Variants in ROBO2 observed in about 807,000 individuals in gnomAD.
ROBO2 encodes roundabout guidance receptor 2.
In ROBO2, 53 loss-of-function variants were observed where a neutral mutation model predicts 160.8. That is an observed-to-expected ratio of 0.33 (90% CI 0.26 to 0.41). The LOEUF (loss-of-function observed/expected upper bound fraction) is 0.41, where lower values mean the gene tolerates loss of function less well. Ranked by LOEUF, ROBO2 falls within the 10% of genes least tolerant of loss-of-function variation. The pLI is 1.00. For missense variants in ROBO2, 1,577 were observed against 1,722.4 expected (o/e 0.92, Z 1.49); for synonymous variants, 664 against 611.7 (o/e 1.09, Z -1.26).
At chr3:76,180,084 T>C (rs192106867) in intron 2 of ROBO2, among the ~76,000 whole-genome samples, 62 of 152,210 alleles carry the variant, frequency 4.1e-4, no homozygotes, top group Non-Finnish European at 3.1e-4. Flanking sequence ...CCAAAATAAA[T>C]TTCTATCCTT....
intron 1 of ROBO2, among the ~76,000 whole-genome samples, chr3:77,069,429 C>T (rs369671773): frequency 7.9e-5 from 12 of 151,742 alleles, no homozygotes; most frequent in African/African-American, 2.4e-4. Flanking sequence ...CACAAAGGAA[C>T]GAAATTGGAG....
At chr3:75,953,720 G>A (rs1338470785) in intron 2 of ROBO2, among the ~76,000 whole-genome samples, 4 of 151,750 alleles carry the variant, frequency 2.6e-5, no homozygotes, top group African/African-American at 7.3e-5. Flanking sequence ...ACAAACAATA[G>A]CAACAACAAT....
chr3:76,003,183 A>G (rs1183733934), intron 2 of ROBO2, among the ~76,000 whole-genome samples: 1 of 152,088 alleles, frequency 6.6e-6, no homozygotes, highest in Non-Finnish European at 1.5e-5. Flanking sequence ...CTCATGATGC[A>G]CACTTGACCC....
intron 2 of ROBO2, among the ~76,000 whole-genome samples, chr3:76,977,416 G>C (rs2059866544): frequency 6.6e-6 from 1 of 152,110 alleles, no homozygotes; most frequent in Non-Finnish European, 1.5e-5. Context: ...TAAATTTTGG[G>C]CAAGTAGGTT....
intron 2 of ROBO2, among the ~76,000 whole-genome samples, chr3:76,368,875 A>T (rs2075964787): frequency 6.6e-6 from 1 of 151,936 alleles, no homozygotes; most frequent in Non-Finnish European, 1.5e-5. Flanking sequence ...ATGAGAAAAC[A>T]TCCTCTCTCT....
chr3:77,618,481 G>A lies in ROBO2; in HGVS notation c.3554+708G>A, dbSNP rs534899900. On this transcript the variant is annotated intron_variant, in intron 22 of 25. Coordinates refer to ENST00000461745, the Ensembl canonical transcript of ROBO2. The stretch of plus-strand genomic sequence containing the variant: ...GCTAACAGTTTTATACAGGATTTTT[G>A]TTATTCAATCTTTCTATTTTAATTT... Among the ~76,000 whole-genome samples, 22 of 152,098 alleles carry A rather than the reference G, an allele frequency of 1.4e-4. No individual in the cohort carries two copies. In the South Asian group the frequency reaches 4.6e-3, roughly 32 times the overall value.
chr3:77,525,605 C>T lies in ROBO2; in HGVS notation c.934+2703C>T, dbSNP rs145971490. Among the ~76,000 whole-genome samples the T allele has an allele frequency of 8.6e-5, 13 of 151,046 alleles. No homozygotes were observed. In the East Asian group the frequency reaches 2.3e-3, roughly 27 times the overall value. Reference sequence around the variant, plus strand: ...GGCTTAAAAATGACAACACAAACTGCGTATTTGTAAGCACATTTTACCCAT... The same window carrying T: ...GGCTTAAAAATGACAACACAAACTGTGTATTTGTAAGCACATTTTACCCAT... On this transcript the variant is annotated intron_variant, in intron 6 of 25. Coordinates refer to ENST00000461745, the Ensembl canonical transcript of ROBO2.
intron 2 of ROBO2, among the ~76,000 whole-genome samples, chr3:76,798,190 AAAAG>A (rs1431745409): frequency 6.7e-6 from 1 of 149,602 alleles, no homozygotes; most frequent in Non-Finnish European, 1.5e-5. Context: ...GAAAGAAAGA[AAAAG>A]AAGAAAGAAA....
At chr3:76,065,721 T>TGC (rs2068228410) in intron 2 of ROBO2, among the ~76,000 whole-genome samples, 1 of 66,446 alleles carries the variant, frequency 1.5e-5, no homozygotes, top group Non-Finnish European at 2.7e-5. Flanking sequence ...ACTAAATATA[T>TGC]GCATATTTAA....
intron 2 of ROBO2, among the ~76,000 whole-genome samples, chr3:77,220,284 A>G (rs1161006994): frequency 6.6e-6 from 1 of 152,182 alleles, no homozygotes; most frequent in African/African-American, 2.4e-5. Context: ...TGCTGAGATT[A>G]CAGGCATGAG....
At chr3:75,938,053 T>G (rs1576217142) in intron 2 of ROBO2, among the ~76,000 whole-genome samples, 1 of 151,966 alleles carries the variant, frequency 6.6e-6, no homozygotes, top group East Asian at 1.9e-4. Flanking sequence ...ATTTTAAAAT[T>G]TCAAGAACCT....
At chr3:76,204,682 A>T (rs1052655200) in intron 2 of ROBO2, among the ~76,000 whole-genome samples, 4 of 152,182 alleles carry the variant, frequency 2.6e-5, no homozygotes, top group African/African-American at 9.6e-5. Context: ...ATTAGTGGGT[A>T]AAGTGTTATC....
At chr3:76,128,622 AGT>A (rs71101881) in intron 2 of ROBO2, among the ~76,000 whole-genome samples, 5 of 150,008 alleles carry the variant, frequency 3.3e-5, no homozygotes, top group Admixed American at 2.0e-4. Flanking sequence ...ATATGATATG[AGT>A]GTGTGTGTGT....
intron 2 of ROBO2, among the ~76,000 whole-genome samples, chr3:77,029,049 G>C (rs1221830195): frequency 6.6e-6 from 1 of 152,110 alleles, no homozygotes; most frequent in East Asian, 1.9e-4. Flanking sequence ...TATAAATATT[G>C]CTAGTGATAC....
intron 2 of ROBO2, among the ~76,000 whole-genome samples, chr3:77,195,684 C>T (rs546339691): frequency 7.1e-4 from 108 of 152,246 alleles, no homozygotes; most frequent in Non-Finnish European, 1.3e-3. Flanking sequence ...TTTTAGACTT[C>T]CAGATATAGC....
chr3:77,105,489 C>G (rs2072671291), intron 2 of ROBO2, among the ~76,000 whole-genome samples: 1 of 152,128 alleles, frequency 6.6e-6, no homozygotes, highest in Non-Finnish European at 1.5e-5. Flanking sequence ...CAGGATAATG[C>G]TAATATGTTA....
At chr3:76,048,272 T>C (rs563111976) in intron 2 of ROBO2, among the ~76,000 whole-genome samples, 1 of 152,306 alleles carries the variant, frequency 6.6e-6, no homozygotes, top group East Asian at 1.9e-4. Flanking sequence ...CAAAGCTCTA[T>C]CTTCTGCTAG....
At chr3:77,486,056 T>A (rs1354368340) in intron 4 of ROBO2, among the ~76,000 whole-genome samples, 1 of 152,200 alleles carries the variant, frequency 6.6e-6, no homozygotes, top group Non-Finnish European at 1.5e-5. Context: ...TCTGCAGTAG[T>A]TTGCTAAGGA....
chr3:75,990,947 T>C (rs746476814), intron 2 of ROBO2, among the ~76,000 whole-genome samples: 1 of 152,130 alleles, frequency 6.6e-6, no homozygotes, highest in South Asian at 2.1e-4. Context: ...AGGTCCTAAA[T>C]AGAACAAAAA....
Sources: gnomAD v4.1 joint callset for allele counts (sites outside exome capture counted in the v4.1 genomes callset) on GRCh38, gnomAD v4.1.1 for gene constraint, MANE v1.5 for transcripts, NCBI Gene and HGNC (gene_info 2026-07-23, HGNC 2026-07-21) for gene names.